The following CSMD1 variants were observed in gnomAD, a reference collection of about 807,000 sequenced individuals.
The protein encoded by CSMD1 is CUB and Sushi multiple domains 1, also known as CUB and sushi domain-containing protein 1.
CSMD1 carries 213 observed loss-of-function variants against 417.5 expected under a neutral mutation model. The ratio of observed to expected loss-of-function variants is 0.51; its 90% CI spans 0.46 to 0.57. CSMD1 has a LOEUF of 0.57. Among genes scored for constraint, CSMD1 ranks in the 20% least tolerant of loss-of-function variants. The pLI, the probability that CSMD1 is intolerant of heterozygous loss-of-function variation, is 0.00. For missense variants in CSMD1, 6,923 were observed against 4,529.7 expected, an observed-to-expected ratio of 1.53 and a Z score of -15.17; for synonymous variants, 2,862 against 1,736.8, an observed-to-expected ratio of 1.65 and a Z score of -16.11.
chr8:3,110,976 T>C (rs531325350), intron 42 of CSMD1, among the ~76,000 whole-genome samples: 2 of 152,340 alleles, frequency 1.3e-5, no homozygotes, highest in South Asian at 4.2e-4. Flanking sequence ...TGGCAATTAT[T>C]TTATTTATGG....
At chr8:4,783,916 G>C (rs1361724796) in intron 1 of CSMD1, among the ~76,000 whole-genome samples, 1 of 152,194 alleles carries the variant, frequency 6.6e-6, no homozygotes, top group Non-Finnish European at 1.5e-5. Context: ...ATTTGACCGT[G>C]AATAAAAGTT....
At chr8:4,984,576 G>A (rs575084187) in intron 1 of CSMD1, among the ~76,000 whole-genome samples, 3 of 152,308 alleles carry the variant, frequency 2.0e-5, no homozygotes, top group East Asian at 1.9e-4. Context: ...CTCATCTTCA[G>A]TTCATGATGT....
Position 3,577,406 on chromosome 8 carries a change from C to CT in CSMD1, c.1223-2341dup, listed in dbSNP as rs1349586895. Among the ~76,000 whole-genome samples, 5 of 152,156 alleles carry CT rather than the reference C, an allele frequency of 3.3e-5. No homozygotes were observed. The East Asian group carries it at 5.8e-4, about 18-fold the overall frequency. On this transcript the variant is annotated intron_variant, in intron 9 of 69. Coordinates refer to ENST00000635120, the MANE Select transcript of CSMD1 (RefSeq NM_033225.6). ...AAAGCTTTCAAATTAACCCATGTTT[C>CT]TTTTTTTAATTTAGAAATCTCTGTC...
intron 12 of CSMD1, among the ~76,000 whole-genome samples, chr8:3,422,993 G>C (rs1813592837): frequency 6.6e-6 from 1 of 152,076 alleles, no homozygotes; most frequent in Non-Finnish European, 1.5e-5. Flanking sequence ...CTACCAAATT[G>C]GCAACACCTG....
At chr8:3,724,195 C>CT (rs35874563) in intron 6 of CSMD1, among the ~76,000 whole-genome samples, 7,804 of 120,346 alleles carry the variant, frequency 0.065, 421 homozygotes, top group Middle Eastern at 0.12. Flanking sequence ...TCTTTTACTA[C>CT]TTTTTTTTTT....
chr8:3,168,841 G>A (rs1820402186), intron 37 of CSMD1, among the ~76,000 whole-genome samples: 1 of 152,062 alleles, frequency 6.6e-6, no homozygotes, highest in South Asian at 2.1e-4. Context: ...GTTACATCCT[G>A]CAGTCTCTTC....
At chr8:4,520,538 C>T (rs926076920) in intron 2 of CSMD1, among the ~76,000 whole-genome samples, 4 of 152,020 alleles carry the variant, frequency 2.6e-5, no homozygotes, top group Admixed American at 2.6e-4. Flanking sequence ...GTCTTAGAAG[C>T]CAGAAAACCT....
intron 7 of CSMD1, among the ~76,000 whole-genome samples, chr8:3,634,029 G>T (rs760277694): frequency 6.6e-6 from 1 of 150,876 alleles, no homozygotes; most frequent in Non-Finnish European, 1.5e-5. Context: ...TGGGATTACT[G>T]TCAGTGAAAT....
intron 3 of CSMD1, among the ~76,000 whole-genome samples, chr8:4,180,034 C>G (rs1198656027): frequency 6.6e-6 from 1 of 151,988 alleles, no homozygotes; most frequent in Non-Finnish European, 1.5e-5. Flanking sequence ...TCCTCAAGGA[C>G]CTAGAACTGG....
At chr8:4,864,448 T>C (rs1802310026) in intron 1 of CSMD1, among the ~76,000 whole-genome samples, 1 of 151,910 alleles carries the variant, frequency 6.6e-6, no homozygotes, top group Non-Finnish European at 1.5e-5. Context: ...CCTTTAATTA[T>C]CTACTTCAAT....
intron 1 of CSMD1, among the ~76,000 whole-genome samples, chr8:4,842,870 T>C (rs1800921507): frequency 1.3e-5 from 2 of 152,186 alleles, no homozygotes; most frequent in Non-Finnish European, 2.9e-5. Context: ...CTTAAAGGCT[T>C]ATCAATAGAA....
Position 4,402,071 on chromosome 8 carries a change from G to T in CSMD1, c.415+17882C>A, listed in dbSNP as rs147565393. 1.6e-3 allele frequency among the ~76,000 whole-genome samples: 250 copies of T among 152,124 alleles called. 1 individual carries two copies. Among genetic ancestry groups the T allele is most frequent in the African/African-American group, 5.8e-3 (241 of 41,486 alleles). On this transcript the variant is annotated intron_variant, in intron 3 of 69. Transcript: ENST00000635120. Reference sequence around the variant, plus strand: ...GCTAAATGGTCCTTCTAACCCCATGGCTTCCTTTGTTCTCAACCTCCTCCC... The same window carrying T: ...GCTAAATGGTCCTTCTAACCCCATGTCTTCCTTTGTTCTCAACCTCCTCCC...
intron 5 of CSMD1, among the ~76,000 whole-genome samples, chr8:3,939,959 A>G (rs1055920855): frequency 1.3e-5 from 2 of 152,102 alleles, no homozygotes; most frequent in African/African-American, 2.4e-5. Context: ...AATCACCACT[A>G]AAGAACTTAC....
chr8:3,575,151 A>C (rs1800097663), intron 9 of CSMD1, 85 bp from the exon 10 acceptor site: 7 of 1,302,458 alleles, frequency 5.4e-6, no homozygotes, highest in Non-Finnish European at 7.3e-6. Context: ...ATTTCAAGTT[A>C]GCTATTATCT....
At chr8:4,454,747 G>C (rs540820727) in intron 2 of CSMD1, among the ~76,000 whole-genome samples, 2 of 152,210 alleles carry the variant, frequency 1.3e-5, no homozygotes, top group African/African-American at 2.4e-5. Context: ...TACTCGTTTA[G>C]AAAGGAAGAA....
chr8:3,155,517 G>A (rs749664612), intron 39 of CSMD1, among the ~76,000 whole-genome samples: 3 of 151,252 alleles, frequency 2.0e-5, no homozygotes, highest in South Asian at 2.1e-4. Context: ...ACAGATGGTC[G>A]CCACCACGCC....
At chr8:4,994,273 C>T (rs1420060648) in intron 1 of CSMD1, 59 bp downstream of exon 1, 17 of 1,510,524 alleles carry the variant, frequency 1.1e-5, no homozygotes, top group East Asian at 4.6e-5. Flanking sequence ...CACTCGCGTC[C>T]GCACACGGGG....
In CSMD1 at chr8:3,998,028, G is replaced by A. The variant is rs776759317; in HGVS notation, c.693C>T (p.Asn231=). ...CCAGAATGGTCCAGGTGCAGTCCGC[G>A]TTGTTCTCGTACTCTGAAGGGAAGT... ...SPHFPSEYEN[N]ADCTWTILAE... is the part of the protein sequence containing the mutation. The change falls in exon 5 of 70, where the codon AAC becomes AAT. Residue 231 remains asparagine, a synonymous_variant. Transcript: ENST00000635120. The A allele has an allele frequency of 1.9e-6, 3 of 1,605,040 alleles. No homozygotes were observed. Among genetic ancestry groups the A allele is most frequent in the Non-Finnish European group, 2.6e-6 (3 of 1,175,392 alleles).
intron 5 of CSMD1, among the ~76,000 whole-genome samples, chr8:3,802,179 G>A (rs761954818): frequency 6.6e-6 from 1 of 151,978 alleles, no homozygotes. Context: ...TGACAATAAA[G>A]AAAGACATTA....
Sources: allele counts gnomAD v4.1 joint callset (sites outside exome capture counted in the v4.1 genomes callset), GRCh38; gene constraint gnomAD v4.1.1; transcripts MANE v1.5; gene names NCBI Gene and HGNC (gene_info 2026-07-23, HGNC 2026-07-21).